KLHL4: variants seen among roughly 807,000 people sequenced by gnomAD.
The protein encoded by KLHL4 is kelch-like protein 4.
In KLHL4, 17 loss-of-function variants were observed where a neutral mutation model predicts 45.8. That is an observed-to-expected ratio of 0.37 (90% CI 0.25 to 0.56). KLHL4 has a LOEUF of 0.56. KLHL4 is among the 20% of genes least tolerant of loss of function. The pLI is 0.79. For synonymous variants in KLHL4, 224 were observed against 189.9 expected (o/e 1.18, Z -1.47); for missense variants, 544 against 544.9 (o/e 1.00, Z 0.02).
chrX:87,606,570 T>C (rs1281598945), intron 1 of KLHL4, among the ~76,000 whole-genome samples: 2 of 111,294 alleles, frequency 1.8e-5, no homozygotes, highest in African/African-American at 6.5e-5. Context: ...AAAAGTGTAT[T>C]ATAAACAAGT....
intron 1 of KLHL4, among the ~76,000 whole-genome samples, chrX:87,578,066 T>C (rs1445398745): frequency 9.0e-6 from 1 of 111,381 alleles, no homozygotes; most frequent in Non-Finnish European, 1.9e-5. Context: ...AAATGGGACT[T>C]TGATGAGATA....
chrX:87,579,201 G>A (rs975080036), intron 1 of KLHL4, among the ~76,000 whole-genome samples: 1 of 110,231 alleles, frequency 9.1e-6, no homozygotes, highest in African/African-American at 3.3e-5. Context: ...GGGAGCAAGA[G>A]ATTACAAATT....
chrX:87,608,639 C>T (rs1434838189), intron 1 of KLHL4, among the ~76,000 whole-genome samples: 2 of 111,415 alleles, frequency 1.8e-5, no homozygotes, highest in Non-Finnish European at 1.9e-5. Flanking sequence ...CTAGTGAGGC[C>T]TTGGCAGCTT....
intron 1 of KLHL4, among the ~76,000 whole-genome samples, chrX:87,519,351 C>T (rs1266453663): frequency 8.9e-6 from 1 of 111,939 alleles, no homozygotes; most frequent in East Asian, 2.8e-4. Flanking sequence ...AGAAGAAGGA[C>T]TGGCAGATTT....
At position 87,613,907 on chromosome X, in the gene KLHL4, T is replaced by C. The variant is rs756744298; in HGVS notation, c.453T>C (p.Asn151=). ...RLDTQHSEDM[N]ATRSEEQFHV... ...ATACACAACACTCTGAAGACATGAATGCCACCAGATCTGAAGAGCAGTTCC... is the reference window on the plus strand; with the variant it reads ...ATACACAACACTCTGAAGACATGAACGCCACCAGATCTGAAGAGCAGTTCC... Residue 151 remains asparagine, a synonymous_variant, in exon 2 of 11, where the codon AAT becomes AAC. Coordinates refer to ENST00000373119, the MANE Select transcript of KLHL4 (RefSeq NM_019117.5). 8.3e-6 allele frequency: 10 copies of C among 1,201,523 alleles called. No individual in the cohort carries two copies. Among genetic ancestry groups the C allele is most frequent in the Admixed American group, 2.2e-5 (1 of 45,068 alleles).
At chrX:87,652,288 G>C (rs767518695) in intron 9 of KLHL4, among the ~76,000 whole-genome samples, 18 of 112,384 alleles carry the variant, frequency 1.6e-4, no homozygotes, top group Non-Finnish European at 2.8e-4. Context: ...CTATTGTCTT[G>C]GCAGTTAACA....
intron 9 of KLHL4, among the ~76,000 whole-genome samples, chrX:87,639,308 C>T (rs776443318): frequency 2.7e-5 from 3 of 111,228 alleles, no homozygotes; most frequent in South Asian, 3.8e-4. Flanking sequence ...AAAGTCAACA[C>T]GAACCAATGA....
At chrX:87,541,086 T>C (rs778460547) in intron 1 of KLHL4, among the ~76,000 whole-genome samples, 2 of 110,541 alleles carry the variant, frequency 1.8e-5, no homozygotes, top group South Asian at 7.8e-4. Context: ...GTAATCCCCA[T>C]GTGTTGAGGG....
chrX:87,612,244 C>T (rs5924061), intron 1 of KLHL4, among the ~76,000 whole-genome samples: 42,237 of 110,669 alleles, frequency 0.38, 6,163 homozygotes, highest in Middle Eastern at 0.46. Flanking sequence ...GAGCAAGTTT[C>T]GGTCTTTAAA....
intron 9 of KLHL4, among the ~76,000 whole-genome samples, chrX:87,637,187 C>G (rs1923289844): frequency 9.0e-6 from 1 of 111,353 alleles, no homozygotes; most frequent in African/African-American, 3.3e-5. Context: ...GCAGACACTC[C>G]CCACCCCAGT....
At chrX:87,649,174 C>A (rs937214313) in intron 9 of KLHL4, among the ~76,000 whole-genome samples, 3 of 111,744 alleles carry the variant, frequency 2.7e-5, no homozygotes, top group African/African-American at 6.5e-5. Context: ...ATTTATTAAA[C>A]AATAACTGTA....
At chrX:87,659,212 C>T (rs771555324) in intron 9 of KLHL4, among the ~76,000 whole-genome samples, 101 of 100,649 alleles carry the variant, frequency 1.0e-3, no homozygotes, top group African/African-American at 2.3e-3. Flanking sequence ...CTCCACCTCC[C>T]GGGTTCAAGC....
At chrX:87,527,317 A>G (rs752667750) in intron 1 of KLHL4, among the ~76,000 whole-genome samples, 4 of 111,510 alleles carry the variant, frequency 3.6e-5, no homozygotes, top group Non-Finnish European at 5.6e-5. Context: ...TGGACTCACC[A>G]TTACAGTGTG....
intron 8 of KLHL4, among the ~76,000 whole-genome samples, chrX:87,634,158 C>CAAA (rs1263818163): frequency 8.9e-6 from 1 of 111,887 alleles, no homozygotes; most frequent in Non-Finnish European, 1.9e-5. Context: ...ATCCACCTTT[C>CAAA]GTATTTAGAA....
intron 1 of KLHL4, among the ~76,000 whole-genome samples, chrX:87,609,810 G>A (rs773373245): frequency 1.8e-5 from 2 of 110,928 alleles, no homozygotes; most frequent in African/African-American, 6.6e-5. Context: ...CATTGCTTTT[G>A]GTGTTTTAGA....
At chrX:87,664,996 T>G in intron 10 of KLHL4, 61 bp downstream of exon 10, 13 of 772,035 alleles carry the variant, frequency 1.7e-5, no homozygotes, top group Non-Finnish European at 2.4e-5. Flanking sequence ...GATATTAAAT[T>G]ATATTTTTGA....
intron 1 of KLHL4, among the ~76,000 whole-genome samples, chrX:87,581,770 G>T (rs1241044084): frequency 8.9e-6 from 1 of 112,287 alleles, no homozygotes; most frequent in Admixed American, 9.4e-5. Context: ...GCACAAAAAT[G>T]CTGAAAACTC....
chrX:87,554,229 A>C (rs1602413652), intron 1 of KLHL4, among the ~76,000 whole-genome samples: 1 of 78,937 alleles, frequency 1.3e-5, no homozygotes, highest in Non-Finnish European at 2.4e-5. Flanking sequence ...ATGAACTTTA[A>C]AGTAGTTTTT....
At chrX:87,529,213 A>C (rs1448196343) in intron 1 of KLHL4, among the ~76,000 whole-genome samples, 1 of 111,546 alleles carries the variant, frequency 9.0e-6, no homozygotes, top group African/African-American at 3.3e-5. Context: ...AGACTACTGC[A>C]ACTAGAAATC....
Sources: gnomAD v4.1 joint callset for allele counts (sites outside exome capture counted in the v4.1 genomes callset) on GRCh38, gnomAD v4.1.1 for gene constraint, MANE v1.5 for transcripts, NCBI Gene and HGNC (gene_info 2026-07-23, HGNC 2026-07-21) for gene names.